The following CRYBA2 variants were observed in gnomAD, a reference collection of about 807,000 sequenced individuals.
CRYBA2 encodes beta-crystallin A2.
In CRYBA2, 17 loss-of-function variants were observed where a neutral mutation model predicts 18.5. That is an observed-to-expected ratio of 0.92 (90% CI 0.63 to 1.38). CRYBA2 has a LOEUF of 1.38. Among genes scored for constraint, CRYBA2 ranks in the 40% most tolerant of loss-of-function variants. The probability of loss-of-function intolerance (pLI) is 0.00; values close to 1 mark genes in which losing one functional copy is unlikely to be tolerated. For missense variants in CRYBA2, 271 were observed against 265.0 expected, an observed-to-expected ratio of 1.02 and a Z score of -0.16; for synonymous variants, 101 against 106.2, an observed-to-expected ratio of 0.95 and a Z score of 0.30.
In CRYBA2 at chr2:218,992,251, AG is replaced by A; in HGVS notation, c.162-9del. The stretch of plus-strand genomic sequence containing the variant: ...TACTCAAAGGCCACCCAACTGGAAA[AG>A]GAGAAGAGCTGGGAGGTATCTGCCC... On this transcript the variant is annotated splice_polypyrimidine_tract_variant and intron_variant, in intron 1 of 3. Coordinates refer to ENST00000295728, the MANE Select transcript of CRYBA2 (RefSeq NM_057093.2). 3 of 1,612,770 alleles carry A rather than the reference AG, an allele frequency of 1.9e-6. No homozygotes were observed. Among genetic ancestry groups the A allele is most frequent in the Non-Finnish European group, 2.5e-6 (3 of 1,179,664 alleles).
chr2:218,991,177 G>A (rs1945493745), intron 2 of CRYBA2, 183 bp from the exon 3 acceptor site: 1 of 838,152 alleles, frequency 1.2e-6, no homozygotes, highest in Non-Finnish European at 1.8e-6. Flanking sequence ...TCGCTCAGAG[G>A]TTCCCCCGAA....
chr2:218,990,373 T>C lies in CRYBA2; in HGVS notation c.473A>G (p.Tyr158Cys), dbSNP rs1046794886. The C allele has an allele frequency of 6.2e-7, 1 of 1,614,038 alleles. No individual in the cohort carries two copies. The highest frequency in any genetic ancestry group is 8.5e-7 in the Non-Finnish European group (1 of 1,179,990). ...CTCCAACACATACTGGTAGCCTCGG[T>C]AGCCTGGGTACTGGTAGGCCACCCA... is the stretch of plus-strand genomic sequence containing the variant. ...GAWVAYQYPGYRGYQYVLERD... is the reference protein window; with the variant it reads ...GAWVAYQYPGCRGYQYVLERD... Residue 158 changes from tyrosine to cysteine, a missense_variant, in exon 4 of 4, where the codon TAC (tyrosine) becomes TGC (cysteine). By Grantham distance (194) the Tyr-to-Cys change is radical. Transcript: ENST00000295728.
rs758085176 is a variant in CRYBA2, at chr2:218,990,857, G to A, written c.441C>T (p.Ser147=). The A allele has an allele frequency of 1.1e-5, 18 of 1,613,342 alleles. No homozygotes were observed. The highest frequency in any genetic ancestry group is 1.6e-4 in the Middle Eastern group (1 of 6,080). ...SKDVGSLKVS[S]GAWVAYQYPG... ...GTTCCAGTTCCAGGACTCACGCTCC[G>A]GAGCTGACTTTGAGGGAACCCACAT... Residue 147 remains serine, a synonymous_variant, in exon 3 of 4, where the codon TCC becomes TCT. Coordinates refer to ENST00000295728, the MANE Select transcript of CRYBA2 (RefSeq NM_057093.2).
Position 218,992,151 on chromosome 2 carries a change from C to T in CRYBA2, c.254G>A (p.Ser85Asn), listed in dbSNP as rs202133858. 1 of 1,611,082 alleles carries T rather than the reference C, an allele frequency of 6.2e-7. No individual in the cohort carries two copies. Among genetic ancestry groups the T allele is most frequent in the African/African-American group, 1.3e-5 (1 of 75,044 alleles). The change falls in exon 2 of 4, where the codon AGC (serine) becomes AAC (asparagine). Residue 85 changes from serine (S) to asparagine (N), a missense_variant. Ser to Asn is a conservative substitution (Grantham distance 46). Transcript: ENST00000295728. ...YPRWSAWSGS[S>N]SHNSNQLLSF... Reference sequence around the variant, plus strand: ...CAGCAGCTGGTTGCTGTTGTGGCTGCTGCTGCCACTCCAGGCGCTCCAGCG... The same window carrying T: ...CAGCAGCTGGTTGCTGTTGTGGCTGTTGCTGCCACTCCAGGCGCTCCAGCG...
rs1381202542 is a variant in CRYBA2, at chr2:218,990,779, T to G, written c.446+73A>C. 5.1e-6 allele frequency: 8 copies of G among 1,563,104 alleles called. No homozygotes were observed. The Admixed American group carries it at 5.2e-5, about 10-fold the overall frequency. On this transcript the variant is annotated intron_variant, in intron 3 of 3. Coordinates refer to ENST00000295728, the MANE Select transcript of CRYBA2 (RefSeq NM_057093.2). ...TCTTAGCGCCCTCCCCACATCACTT[T>G]TCTCCACCCTCTTCCTTGGTCCCCA...
At chr2:218,991,868 A>G in intron 2 of CRYBA2, 1 of 524,516 alleles carries the variant, frequency 1.9e-6, no homozygotes, top group East Asian at 3.4e-5. Flanking sequence ...GGCACTCAGG[A>G]CTGGGATGGC....
chr2:218,990,747 A>G, intron 3 of CRYBA2, 105 bp downstream of exon 3: 1 of 1,420,698 alleles, frequency 7.0e-7, no homozygotes, highest in East Asian at 2.3e-5. Context: ...CAAGTCCCCA[A>G]TATCTCTCTT....
chr2:218,990,379 G>A lies in CRYBA2; in HGVS notation c.467C>T (p.Pro156Leu), dbSNP rs749042754. ...SSGAWVAYQY[P>L]GYRGYQYVLE... The stretch of plus-strand genomic sequence containing the variant: ...CACATACTGGTAGCCTCGGTAGCCT[G>A]GGTACTGGTAGGCCACCCACCTAGG... The change falls in exon 4 of 4, where the codon CCA (proline) becomes CTA (leucine). Residue 156 changes from proline to leucine, a missense_variant. Coordinates refer to ENST00000295728, the MANE Select transcript of CRYBA2 (RefSeq NM_057093.2). 3.7e-6 allele frequency: 6 copies of A among 1,614,098 alleles called. No homozygotes were observed. The highest frequency in any genetic ancestry group is 4.2e-6 in the Non-Finnish European group (5 of 1,180,016).
intron 1 of CRYBA2, among the ~76,000 whole-genome samples, chr2:218,992,617 G>A (rs1378744268): frequency 6.6e-6 from 1 of 152,162 alleles, no homozygotes; most frequent in Non-Finnish European, 1.5e-5. Flanking sequence ...GGCAGGGGTA[G>A]GGGGCGGCAG....
intron 2 of CRYBA2, 22 bp downstream of exon 2, chr2:218,992,077 GGGA>G (rs769028844): frequency 1.3e-5 from 20 of 1,599,668 alleles, no homozygotes; most frequent in Middle Eastern, 3.4e-4. Flanking sequence ...TAGGAGGCAG[GGGA>G]GGAGAAGTGG....
rs774220434 is a variant in CRYBA2 at position 218,993,047 on chromosome 2, T to G, written c.130A>C (p.Arg44=). The change falls in exon 1 of 4, where the codon AGG becomes CGG. Residue 44 remains arginine (R), a synonymous_variant. Coordinates refer to ENST00000295728, the MANE Select transcript of CRYBA2 (RefSeq NM_057093.2). This position sits in a 1 kb window ranked among gnomAD's most constrained non-coding sequence, Gnocchi z 7.7. Reference sequence around the variant, plus strand: ...TTTTCCACCTTGACCGAGCGCACCCTGGGCAGGCCTCCGCGCTCGCAGACG... The same window carrying G: ...TTTTCCACCTTGACCGAGCGCACCCGGGGCAGGCCTCCGCGCTCGCAGACG... ...ANVCERGGLP[R]VRSVKVENGV... is the part of the protein sequence containing the mutation. 1 of 1,608,998 alleles carries G rather than the reference T, an allele frequency of 6.2e-7. No homozygotes were observed. The highest frequency in any genetic ancestry group is 1.1e-5 in the South Asian group (1 of 90,900).
At chr2:218,991,117 G>A in intron 2 of CRYBA2, 123 bp from the exon 3 acceptor site, 1 of 1,447,882 alleles carries the variant, frequency 6.9e-7, no homozygotes. Flanking sequence ...AGGACCCACA[G>A]GCACTCCCAG....
Position 218,990,271 on chromosome 2 carries a change from A to T in CRYBA2, c.575T>A (p.Ile192Asn), listed in dbSNP as rs201412404. The change falls in exon 4 of 4, where the codon ATC becomes AAC. Residue 192 changes from isoleucine (I) to asparagine (N), a missense_variant. Ile to Asn is a moderately radical substitution (Grantham distance 149). Coordinates refer to ENST00000295728, the MANE Select transcript of CRYBA2 (RefSeq NM_057093.2). The stretch of plus-strand genomic sequence containing the variant: ...TGGAGCCTAGTGCTGGACTCTCCGG[A>T]TGGACTGCAGCTGCCCAGTGTGGGC... The part of the protein sequence containing the change: ...TQAHTGQLQS[I>N]RRVQH 6.2e-7 allele frequency: 1 copy of T among 1,614,096 alleles called. No homozygotes were observed. Among genetic ancestry groups the T allele is most frequent in the African/African-American group, 1.3e-5 (1 of 75,020 alleles).
In CRYBA2 at chr2:218,990,297, C is replaced by T. The variant is rs755180140; in HGVS notation, c.549G>A (p.Gln183=). 3 of 1,614,170 alleles carry T rather than the reference C, an allele frequency of 1.9e-6. No individual in the cohort carries two copies. Among genetic ancestry groups the T allele is most frequent in the East Asian group, 2.2e-5 (1 of 44,892 alleles). Reference sequence around the variant, plus strand: ...TGGACTGCAGCTGCCCAGTGTGGGCCTGTGTGCCGAGCTCACCGTAAGTAC... The same window carrying T: ...TGGACTGCAGCTGCCCAGTGTGGGCTTGTGTGCCGAGCTCACCGTAAGTAC... ...EFCTYGELGT[Q]AHTGQLQSIR... Residue 183 remains glutamine, a synonymous_variant, in exon 4 of 4, where the codon CAG becomes CAA. Transcript: ENST00000295728.
rs775778432 is a variant in CRYBA2, at chr2:218,990,919, A to G, written c.379T>C (p.Tyr127His). 46 of 1,614,030 alleles carry G rather than the reference A, an allele frequency of 2.9e-5. No individual in the cohort carries two copies. The Admixed American group carries it at 7.5e-4, about 26-fold the overall frequency. ...QGCKFDLVDD[Y>H]PSLPSMGWAS... ...CAGCCCATGGAGGGCAGGGATGGGT[A>G]GTCATCAACGAGGTCAAACTTGCAG... The change falls in exon 3 of 4, where the codon TAC (tyrosine) becomes CAC (histidine). Residue 127 changes from tyrosine to histidine, a missense_variant. Tyr to His is a moderately conservative substitution (Grantham distance 83). Transcript: ENST00000295728.
intron 2 of CRYBA2, 22 bp from the exon 3 acceptor site, chr2:218,991,016 A>G (rs1945492041): frequency 1.2e-6 from 2 of 1,611,758 alleles, no homozygotes; most frequent in Admixed American, 3.3e-5. Context: ...CAAGATCAGG[A>G]CAGAAAGATC....
In CRYBA2 at chr2:218,993,214, C is replaced by A. The variant is rs1207989100; in HGVS notation, c.-38G>T. On this transcript the variant is annotated 5_prime_UTR_variant, in exon 1 of 4. Coordinates refer to ENST00000295728, the MANE Select transcript of CRYBA2 (RefSeq NM_057093.2). The surrounding 1 kb of genome is among the most constrained non-coding windows in gnomAD (Gnocchi z 7.7). Reference sequence around the variant, plus strand: ...AGGAAGGGTGGCACCACGCGCTCAGCGTCTCAAGAGCCCCGTTTCGAGCCA... The same window carrying A: ...AGGAAGGGTGGCACCACGCGCTCAGAGTCTCAAGAGCCCCGTTTCGAGCCA... 6.4e-7 allele frequency: 1 copy of A among 1,551,214 alleles called. No individual in the cohort carries two copies. The highest frequency in any genetic ancestry group is 8.7e-7 in the Non-Finnish European group (1 of 1,150,996).
chr2:218,991,046 C>G (rs374457412), intron 2 of CRYBA2, 52 bp from the exon 3 acceptor site: 2 of 1,596,214 alleles, frequency 1.3e-6, no homozygotes, highest in Non-Finnish European at 1.7e-6. Flanking sequence ...AAAGGGTTAA[C>G]GGATACATCC....
chr2:218,990,790 C>T (rs1384311304), intron 3 of CRYBA2, 62 bp downstream of exon 3: 1 of 1,584,426 alleles, frequency 6.3e-7, no homozygotes, highest in African/African-American at 1.3e-5. Context: ...TCTCCACCCT[C>T]TTCCTTGGTC....
Sources: gnomAD v4.1 joint callset for allele counts (sites outside exome capture counted in the v4.1 genomes callset) on GRCh38, gnomAD v4.1.1 for gene constraint, Gnocchi (gnomAD v3.1) non-coding constraint, MANE v1.5 for transcripts, NCBI Gene and HGNC (gene_info 2026-07-23, HGNC 2026-07-21) for gene names.